TBC1D23: variants seen among roughly 807,000 people sequenced by gnomAD.
TBC1D23 encodes the protein HCV non-structural protein 4A-transactivated protein 1.
A neutral mutation model predicts 91.4 loss-of-function variants in TBC1D23; 55 were observed. The observed-to-expected ratio is 0.60, with a 90% CI of 0.48 to 0.75. TBC1D23 has a LOEUF of 0.75. Among genes scored for constraint, TBC1D23 ranks in the 30% least tolerant of loss-of-function variants. TBC1D23 has a pLI of 0.00. For missense variants in TBC1D23, 725 were observed against 836.1 expected, an observed-to-expected ratio of 0.87 and a Z score of 1.64; for synonymous variants, 289 against 281.0, an observed-to-expected ratio of 1.03 and a Z score of -0.28.
Position 100,302,071 on chromosome 3 carries a change from T to C in TBC1D23, c.1097T>C (p.Leu366Pro). 1 of 1,607,544 alleles carries C rather than the reference T, an allele frequency of 6.2e-7. No individual in the cohort carries two copies. Among genetic ancestry groups the C allele is most frequent in the Non-Finnish European group, 8.5e-7 (1 of 1,177,370 alleles). Residue 366 changes from leucine (L) to proline (P), a missense_variant, in exon 11 of 19, where the codon CTT becomes CCT. By Grantham distance (98) the Leu-to-Pro change is moderately conservative. Coordinates refer to ENST00000394144, the MANE Select transcript of TBC1D23 (RefSeq NM_001199198.3). ...TAFHLDSDLMLQNPSEFAQSV... is the reference protein window; with the variant it reads ...TAFHLDSDLMPQNPSEFAQSV... ...AACTTTAAAAAAATTGTCTAGATGC[T>C]TCAGAATCCATCTGAGTTTGCACAG...
At chr3:100,261,790 T>G (rs1179298226) in intron 1 of TBC1D23, among the ~76,000 whole-genome samples, 1 of 152,238 alleles carries the variant, frequency 6.6e-6, no homozygotes, top group African/African-American at 2.4e-5. Flanking sequence ...TCACCCAGTG[T>G]TAATCTTTGG....
In TBC1D23 at chr3:100,290,627, C is replaced by T; in HGVS notation, c.526C>T (p.Gln176Ter). ...RPFHLFRLLI[Q>*]YHEPELCSYL... The stretch of plus-strand genomic sequence containing the variant: ...ATTTCATCTCTTCAGGTTGCTCATC[C>T]AATACCATGAGCCTGAGCTTTGTTC... Residue 176 changes from glutamine (Q) to a stop codon, truncating the protein, a stop_gained, in exon 5 of 19, where the codon CAA (glutamine) becomes TAA (stop). Transcript: ENST00000394144. LOFTEE classifies it high-confidence loss of function. The T allele has an allele frequency of 3.1e-6, 5 of 1,613,096 alleles. No homozygotes were observed. Among genetic ancestry groups the T allele is most frequent in the Non-Finnish European group, 4.2e-6 (5 of 1,179,144 alleles).
At chr3:100,282,792 G>T (rs1228201007) in intron 3 of TBC1D23, among the ~76,000 whole-genome samples, 1 of 152,136 alleles carries the variant, frequency 6.6e-6, no homozygotes, top group African/African-American at 2.4e-5. Flanking sequence ...AGCAACAACT[G>T]CCCATCATGG....
rs1363505168 is a variant in TBC1D23 at position 100,277,677 on chromosome 3, G to A, written c.54-1972G>A. On this transcript the variant is annotated intron_variant, in intron 1 of 18. Transcript: ENST00000394144. The stretch of plus-strand genomic sequence containing the variant: ...TAGTAAAATAATTTCATCCCAGTAA[G>A]TAGTGTTTTTAGTCCCTCATTATTT... Among the ~76,000 whole-genome samples, 5 of 152,184 alleles carry A rather than the reference G, an allele frequency of 3.3e-5. No individual in the cohort carries two copies. In the East Asian group the frequency reaches 9.6e-4, roughly 29 times the overall value.
chr3:100,316,269 C>G lies in TBC1D23; in HGVS notation c.1687+82C>G, dbSNP rs183383350. 725 of 952,462 alleles carry G rather than the reference C, an allele frequency of 7.6e-4. 9 individuals are homozygous for G. The East Asian group carries it at 0.017, about 22-fold the overall frequency. 59.0% of individuals were successfully genotyped at this position (952,462 alleles called of 1,614,324 possible). A position where few individuals can be genotyped will look rare whatever the true frequency, so the allele number is the denominator to read the frequency against. On this transcript the variant is annotated intron_variant, in intron 16 of 18. Coordinates refer to ENST00000394144, the MANE Select transcript of TBC1D23 (RefSeq NM_001199198.3). ...AGTCATTCTGGGAATAGCCAATCAACTGCTTTTTTAAAAAAATGAGATTCT... is the reference window on the plus strand; with the variant it reads ...AGTCATTCTGGGAATAGCCAATCAAGTGCTTTTTTAAAAAAATGAGATTCT...
Position 100,319,194 on chromosome 3 carries a change from A to C in TBC1D23, c.1813A>C (p.Met605Leu). The change falls in exon 17 of 19, where the codon ATG becomes CTG. Residue 605 changes from methionine (M) to leucine (L), a missense_variant. Transcript: ENST00000394144. ...TAAAGAAGTAAAAGAAAGTGGACAC[A>C]TGTTTCCCAGGTACTTTTAAAAATG... is the stretch of plus-strand genomic sequence containing the variant. ...PCKEVKESGH[M>L]FPSHLLVTAT... 2 of 1,603,926 alleles carry C rather than the reference A, an allele frequency of 1.2e-6. No homozygotes were observed. The highest frequency in any genetic ancestry group is 1.7e-6 in the Non-Finnish European group (2 of 1,177,204).
rs139440078 is a variant in TBC1D23 at position 100,295,302 on chromosome 3, A to G, written c.726A>G (p.Lys242=). 5.6e-4 allele frequency: 907 copies of G among 1,610,666 alleles called. 1 individual carries two copies. The African/African-American group carries it at 9.8e-3, about 17-fold the overall frequency. The change falls in exon 7 of 19, where the codon AAA becomes AAG. Residue 242 remains lysine, a splice_region_variant and synonymous_variant. Transcript: ENST00000394144. The stretch of plus-strand genomic sequence containing the variant: ...AAATTGATTTGATTCCCTTTTACAG[A>G]GAAGTTATTTTAACACAAGAGTCAG... ...FLMLIILVNA[K]EVILTQESDS... is the part of the protein sequence containing the mutation.
intron 1 of TBC1D23, among the ~76,000 whole-genome samples, chr3:100,277,232 TAAC>T (rs2067655631): frequency 6.6e-6 from 1 of 152,266 alleles, no homozygotes; most frequent in Non-Finnish European, 1.5e-5. Context: ...TGATTTACCT[TAAC>T]AATTTTCAGC....
intron 15 of TBC1D23, among the ~76,000 whole-genome samples, chr3:100,312,844 A>G (rs1276100879): frequency 6.6e-6 from 1 of 152,064 alleles, no homozygotes; most frequent in Non-Finnish European, 1.5e-5. Context: ...TTTAAGAATA[A>G]TACTTCACTC....
chr3:100,271,774 G>A (rs1479196870), intron 1 of TBC1D23, among the ~76,000 whole-genome samples: 2 of 152,168 alleles, frequency 1.3e-5, no homozygotes, highest in African/African-American at 4.8e-5. Flanking sequence ...GCATCATAGA[G>A]TTGTCTTATT....
chr3:100,305,148 A>G (rs1291646582), intron 12 of TBC1D23, among the ~76,000 whole-genome samples: 4 of 152,188 alleles, frequency 2.6e-5, no homozygotes, highest in Non-Finnish European at 4.4e-5. Flanking sequence ...TGAATGAAAA[A>G]CTGCCCATAT....
In TBC1D23 at chr3:100,301,669, C is replaced by T. The variant is rs149256821; in HGVS notation, c.1093-398C>T. On this transcript the variant is annotated intron_variant, in intron 10 of 18. Coordinates refer to ENST00000394144, the MANE Select transcript of TBC1D23 (RefSeq NM_001199198.3). ...ATGCCTTCTGTTATTTCTGACAATC[C>T]TCTAAGAAACACATGGTTTACCATC... 4.7e-3 allele frequency among the ~76,000 whole-genome samples: 711 copies of T among 152,248 alleles called. 2 individuals carry two copies. Among genetic ancestry groups the T allele is most frequent in the Non-Finnish European group, 6.4e-3 (433 of 68,028 alleles).
rs954246301 is a variant in TBC1D23, at chr3:100,267,365, G to A, written c.53+6294G>A. The stretch of plus-strand genomic sequence containing the variant: ...ATGTCTGTTTGTTTCAAGGGTCTGC[G>A]TAACTTTTTAACCTGAGTTAAGAAA... On this transcript the variant is annotated intron_variant, in intron 1 of 18. Coordinates refer to ENST00000394144, the MANE Select transcript of TBC1D23 (RefSeq NM_001199198.3). The A allele has an allele frequency of 6.8e-5, 20 of 293,962 alleles. No individual in the cohort carries two copies. The East Asian group carries it at 8.4e-4, about 12-fold the overall frequency. The allele number at this position is 293,962 out of a possible 1,614,324, so 18.2% of individuals were successfully genotyped here.
chr3:100,287,699 G>T (rs1348819801), intron 4 of TBC1D23, among the ~76,000 whole-genome samples: 3 of 152,134 alleles, frequency 2.0e-5, no homozygotes, highest in Non-Finnish European at 2.9e-5. Flanking sequence ...GTGATAGATT[G>T]AGAGTCATAC....
intron 1 of TBC1D23, among the ~76,000 whole-genome samples, chr3:100,262,966 C>G (rs138993630): frequency 0.023 from 3,461 of 152,144 alleles, 61 homozygotes; most frequent in Non-Finnish European, 0.03. Flanking sequence ...AGTGCAGAAT[C>G]AGATTAAGAG....
intron 11 of TBC1D23, among the ~76,000 whole-genome samples, chr3:100,302,595 T>C (rs1705452431): frequency 6.6e-6 from 1 of 152,234 alleles, no homozygotes; most frequent in Non-Finnish European, 1.5e-5. Context: ...CTATTTGTTA[T>C]TATTTTTTTG....
intron 1 of TBC1D23, among the ~76,000 whole-genome samples, chr3:100,262,396 A>G (rs1050511122): frequency 1.3e-5 from 2 of 152,160 alleles, no homozygotes; most frequent in Admixed American, 1.3e-4. Context: ...GAAGCCACAT[A>G]TTGTAATTTA....
chr3:100,273,727 C>T (rs749128868), intron 1 of TBC1D23, among the ~76,000 whole-genome samples: 1 of 152,182 alleles, frequency 6.6e-6, no homozygotes, highest in Non-Finnish European at 1.5e-5. Flanking sequence ...ACACCTACAA[C>T]TGTCTGATCT....
At chr3:100,312,399 A>C (rs1341660104) in intron 15 of TBC1D23, among the ~76,000 whole-genome samples, 3 of 152,176 alleles carry the variant, frequency 2.0e-5, no homozygotes, top group Non-Finnish European at 4.4e-5. Flanking sequence ...ATCTCTTCCA[A>C]GAAACTACAG....
Sources: allele counts gnomAD v4.1 joint callset (sites outside exome capture counted in the v4.1 genomes callset), GRCh38; gene constraint gnomAD v4.1.1; transcripts MANE v1.5; gene names NCBI Gene and HGNC (gene_info 2026-07-23, HGNC 2026-07-21).